ADGRE3: variants seen among roughly 807,000 people sequenced by gnomAD.
ADGRE3 encodes the protein EGF-like module receptor 3.
In ADGRE3, 88 loss-of-function variants were observed where a neutral mutation model predicts 80.1. The ratio of observed to expected loss-of-function variants is 1.10; its 90% confidence interval spans 0.93 to 1.31. ADGRE3 has a LOEUF of 1.31. ADGRE3 is among the 40% of genes most tolerant of loss of function. ADGRE3 has a pLI of 0.00. For synonymous variants in ADGRE3, 281 were observed against 294.8 expected (o/e 0.95, Z 0.48); for missense variants, 715 against 776.5 (o/e 0.92, Z 0.94).
chr19:14,644,979 G>A (rs1971358822), intron 8 of ADGRE3, among the ~76,000 whole-genome samples: 1 of 152,234 alleles, frequency 6.6e-6, no homozygotes, highest in South Asian at 2.1e-4. Context: ...TCCTGCCTTG[G>A]CCTCCCAAGA....
At chr19:14,628,176 T>G (rs1049376972) in intron 14 of ADGRE3, among the ~76,000 whole-genome samples, 3 of 150,882 alleles carry the variant, frequency 2.0e-5, no homozygotes, top group African/African-American at 7.3e-5. Context: ...TAACAAAAAC[T>G]GGATGCTATG....
Position 14,663,213 on chromosome 19 carries a change from G to A in ADGRE3, c.199+205C>T, listed in dbSNP as rs1357101309. On this transcript the variant is annotated intron_variant, in intron 3 of 15. Coordinates refer to ENST00000253673, the MANE Select transcript of ADGRE3 (RefSeq NM_032571.5). Reference sequence around the variant, plus strand: ...AGATGGGGTTTTGTCATGTTGGCCAGACTGGTCTCGAACTCCTGACCTCAA... The same window carrying A: ...AGATGGGGTTTTGTCATGTTGGCCAAACTGGTCTCGAACTCCTGACCTCAA... Among the ~76,000 whole-genome samples, 3 of 151,820 alleles carry A rather than the reference G, an allele frequency of 2.0e-5. No individual in the cohort carries two copies. In the East Asian group the frequency reaches 5.8e-4, roughly 30 times the overall value.
At chr19:14,626,114 C>A (rs80134734) in intron 14 of ADGRE3, among the ~76,000 whole-genome samples, 15,324 of 125,640 alleles carry the variant, frequency 0.12, 943 homozygotes, top group African/African-American at 0.19. Context: ...CCACAGTAAA[C>A]ATTTTCATTA....
chr19:14,656,103 TG>T (rs1392216081), intron 5 of ADGRE3, among the ~76,000 whole-genome samples: 1 of 151,450 alleles, frequency 6.6e-6, no homozygotes, highest in East Asian at 2.0e-4. Context: ...CCCAGAACTT[TG>T]GAAGGCCGAG....
intron 9 of ADGRE3, 89 bp downstream of exon 9, chr19:14,644,019 G>T (rs1971327017): frequency 2.5e-5 from 17 of 673,608 alleles, no homozygotes; most frequent in South Asian, 6.6e-5. Context: ...CCTTTTTTCA[G>T]TTTTTTTTTT....
intron 6 of ADGRE3, among the ~76,000 whole-genome samples, chr19:14,652,217 T>C (rs372446133): frequency 7.4e-4 from 113 of 152,216 alleles, no homozygotes; most frequent in African/African-American, 2.6e-3. Flanking sequence ...TGGTGATCAT[T>C]CCACAGTATA....
Position 14,634,891 on chromosome 19 carries a change from C to G in ADGRE3, c.1485-1589G>C, listed in dbSNP as rs148417365. 1.7e-3 allele frequency among the ~76,000 whole-genome samples: 256 copies of G among 152,214 alleles called. 2 individuals are homozygous for G. Among genetic ancestry groups the G allele is most frequent in the Admixed American group, 0.016 (239 of 15,282 alleles). ...AAGAAAACCCACGCTTGCTAAACTC[C>G]ATAACAATACGAGCCATCAGTTCCC... On this transcript the variant is annotated intron_variant, in intron 11 of 15. Coordinates refer to ENST00000253673, the MANE Select transcript of ADGRE3 (RefSeq NM_032571.5).
In ADGRE3 at chr19:14,647,258, C is replaced by T; in HGVS notation, c.805G>A (p.Val269Ile). The change falls in exon 8 of 16, where the codon GTT (valine) becomes ATT (isoleucine). Residue 269 changes from valine (V) to isoleucine (I), a missense_variant. Transcript: ENST00000253673. ...TTGGGTCCAATAGCAGCACTCACAA[C>T]CTGAGAGTTCAGATACACTTGATCT... ...KKDQVYLNSQVVSAAIGPKRN... is the reference protein window; with the variant it reads ...KKDQVYLNSQIVSAAIGPKRN... 6.2e-7 allele frequency: 1 copy of T among 1,613,216 alleles called. No individual in the cohort carries two copies. Among genetic ancestry groups the T allele is most frequent in the Non-Finnish European group, 8.5e-7 (1 of 1,179,226 alleles).
chr19:14,617,366 C>CTTTT (rs1240426476), downstream of ADGRE3, among the ~76,000 whole-genome samples: 1 of 89,498 alleles, frequency 1.1e-5, no homozygotes, highest in Admixed American at 1.7e-4. Context: ...TTCTTTCTTT[C>CTTTT]TTTCTTTCTT....
the ADGRE3 span, among the ~76,000 whole-genome samples, chr19:14,605,638 C>T: frequency 6.6e-6 from 1 of 152,178 alleles, no homozygotes; most frequent in Non-Finnish European, 1.5e-5. Flanking sequence ...AGTCTAATTT[C>T]TTTCACCATC....
the ADGRE3 span, among the ~76,000 whole-genome samples, chr19:14,607,274 A>G: frequency 1.3e-5 from 2 of 150,432 alleles, no homozygotes; most frequent in African/African-American, 2.5e-5. Flanking sequence ...GCGCAATCTC[A>G]GCTCACTGCA....
chr19:14,625,613 G>T lies in ADGRE3; in HGVS notation c.1813-14C>A. 6.5e-7 allele frequency: 1 copy of T among 1,538,056 alleles called. No individual in the cohort carries two copies. Among genetic ancestry groups the T allele is most frequent in the South Asian group, 1.1e-5 (1 of 89,302 alleles). ...TTGTTTCTGGACCTGGAACATCAAA[G>T]GAAATACCTGGATGGGTTTTGCTAA... On this transcript the variant is annotated splice_polypyrimidine_tract_variant and intron_variant, in intron 14 of 15. Transcript: ENST00000253673.
chr19:14,650,050 A>C (rs1030965419), intron 7 of ADGRE3, among the ~76,000 whole-genome samples: 182 of 87,854 alleles, frequency 2.1e-3, no homozygotes, highest in Admixed American at 2.5e-3. Context: ...CTCTCTTCCC[A>C]TCTCTCTCCC....
In ADGRE3 at chr19:14,620,568, ATTTTT is replaced by A. The variant is rs1189295641; in HGVS notation, c.1921-1102_1921-1098del. ...ATATATTATATATATATATATATAT[ATTTTT>A]TTTTTTTTTTTTTTTTTTTTTTTTG... On this transcript the variant is annotated intron_variant, in intron 15 of 15. Coordinates refer to ENST00000253673, the MANE Select transcript of ADGRE3 (RefSeq NM_032571.5). Among the ~76,000 whole-genome samples the A allele has an allele frequency of 8.4e-3, 92 of 11,016 alleles. 9 individuals are homozygous for A. The highest frequency in any genetic ancestry group is 0.05 in the Middle Eastern group (1 of 20). 7.2% of individuals were successfully genotyped at this position (11,016 alleles called of 152,430 possible).
Position 14,667,785 on chromosome 19 carries a change from A to T in ADGRE3, c.76+1017T>A, listed in dbSNP as rs144943695. 3.3e-5 allele frequency among the ~76,000 whole-genome samples: 5 copies of T among 152,340 alleles called. No individual in the cohort carries two copies. The East Asian group carries it at 9.6e-4, about 29-fold the overall frequency. On this transcript the variant is annotated intron_variant, in intron 2 of 15. Transcript: ENST00000253673. ...ATGGCACATGTATACCTATGTAACA[A>T]ACCTGCACGTTGTGCACATGTACCC...
At chr19:14,600,166 A>G in the ADGRE3 span, 1 of 1,614,026 alleles carries the variant, frequency 6.2e-7, no homozygotes, top group South Asian at 1.1e-5. Flanking sequence ...GTCATCATCA[A>G]TAGCTTTGCT....
At chr19:14,658,730 T>A (rs2146886587) in intron 4 of ADGRE3, among the ~76,000 whole-genome samples, 180 bp from the exon 5 acceptor site, 1 of 152,050 alleles carries the variant, frequency 6.6e-6, no homozygotes, top group Non-Finnish European at 1.5e-5. Flanking sequence ...TTTAAAAAAT[T>A]TTTTATTTTT....
intron 15 of ADGRE3, among the ~76,000 whole-genome samples, chr19:14,620,560 ATATATATATTTTT>A (rs1970564481): frequency 8.4e-5 from 2 of 23,694 alleles, no homozygotes; most frequent in African/African-American, 1.7e-4. Context: ...ATATATATAT[ATATATATATTTTT>A]TTTTTTTTTT....
chr19:14,606,237 A>G, the ADGRE3 span, among the ~76,000 whole-genome samples: 1 of 152,204 alleles, frequency 6.6e-6, no homozygotes, highest in African/African-American at 2.4e-5. Flanking sequence ...TAAGACGTCC[A>G]CAGTATGAGG....
Sources: allele counts gnomAD v4.1 joint callset (sites outside exome capture counted in the v4.1 genomes callset), GRCh38; gene constraint gnomAD v4.1.1; transcripts MANE v1.5; gene names NCBI Gene and HGNC (gene_info 2026-07-23, HGNC 2026-07-21).